PTPRN2: variants seen among roughly 807,000 people sequenced by gnomAD.
PTPRN2 encodes the protein protein tyrosine phosphatase receptor type N2, also known as receptor-type tyrosine-protein phosphatase N2.
In PTPRN2, 74 loss-of-function variants were observed where a neutral mutation model predicts 118.8. The ratio of observed to expected loss-of-function variants is 0.62; its 90% CI spans 0.52 to 0.76. The LOEUF (loss-of-function observed/expected upper bound fraction) is 0.76, where lower values mean the gene tolerates loss of function less well. Among genes scored for constraint, PTPRN2 ranks in the 30% least tolerant of loss-of-function variants. The pLI is 0.00. For missense variants in PTPRN2, 1,481 were observed against 1,394.4 expected, an observed-to-expected ratio of 1.06 and a Z score of -0.99; for synonymous variants, 641 against 608.0, an observed-to-expected ratio of 1.05 and a Z score of -0.80.
chr7:158,225,370 C>A (rs768426808), intron 3 of PTPRN2, among the ~76,000 whole-genome samples: 1 of 152,010 alleles, frequency 6.6e-6, no homozygotes, highest in Non-Finnish European at 1.5e-5. Context: ...CTCTGCACCA[C>A]GGAGCACCAC....
At chr7:157,578,237 C>T in intron 17 of PTPRN2, 97 bp from the exon 18 acceptor site, 24 of 1,355,944 alleles carry the variant, frequency 1.8e-5, no homozygotes, top group Non-Finnish European at 2.4e-5. Context: ...AAATTTATTC[C>T]ATTCACAGGA....
intron 1 of PTPRN2, among the ~76,000 whole-genome samples, chr7:158,513,301 C>T (rs1451547465): frequency 6.6e-6 from 1 of 152,184 alleles, no homozygotes. Flanking sequence ...TCAAAACTGT[C>T]AGGGTCCTCA....
At chr7:158,068,314 A>T (rs1810941839) in intron 11 of PTPRN2, among the ~76,000 whole-genome samples, 1 of 152,210 alleles carries the variant, frequency 6.6e-6, no homozygotes, top group South Asian at 2.1e-4. Flanking sequence ...GCCCGTGCTC[A>T]TGGCAGCCGA....
At chr7:157,568,517 T>C (rs1747792786) in intron 21 of PTPRN2, among the ~76,000 whole-genome samples, 1 of 152,230 alleles carries the variant, frequency 6.6e-6, no homozygotes, top group Non-Finnish European at 1.5e-5. Flanking sequence ...TGGAGCGGCA[T>C]TCTGCACTGC....
chr7:158,326,804 C>A (rs900875004), intron 2 of PTPRN2, among the ~76,000 whole-genome samples: 1 of 144,688 alleles, frequency 6.9e-6, no homozygotes, highest in African/African-American at 2.6e-5. Flanking sequence ...CATGCACATT[C>A]TCACACATGC....
At chr7:158,083,246 C>T (rs1014399423) in intron 10 of PTPRN2, among the ~76,000 whole-genome samples, 2 of 152,114 alleles carry the variant, frequency 1.3e-5, no homozygotes, top group African/African-American at 4.8e-5. Context: ...GCCTCACCCA[C>T]GCAGGAGGTG....
chr7:157,870,821 C>T (rs1221588858), intron 12 of PTPRN2, among the ~76,000 whole-genome samples: 1 of 152,254 alleles, frequency 6.6e-6, no homozygotes, highest in Non-Finnish European at 1.5e-5. Context: ...CCTGCACCCC[C>T]ACCTTGATCC....
Position 157,585,174 on chromosome 7 carries a change from G to A in PTPRN2, c.2497-7034C>T, listed in dbSNP as rs570587284. 2.6e-5 allele frequency among the ~76,000 whole-genome samples: 4 copies of A among 152,292 alleles called. No homozygotes were observed. The highest frequency in any genetic ancestry group is 3.9e-4 in the East Asian group (2 of 5,188). On this transcript the variant is annotated intron_variant, in intron 17 of 22. Coordinates refer to ENST00000389418, the MANE Select transcript of PTPRN2 (RefSeq NM_002847.5). This position sits in a 1 kb window ranked among gnomAD's most constrained non-coding sequence, Gnocchi z 5.2. ...AGGGGGCAGCGGGAGGAACCCCCCT[G>A]TGCCGCTATCAGATCGACGCCTGTG...
At chr7:158,041,351 A>G (rs540809252) in intron 11 of PTPRN2, among the ~76,000 whole-genome samples, 2 of 152,310 alleles carry the variant, frequency 1.3e-5, no homozygotes, top group African/African-American at 4.8e-5. Flanking sequence ...TAAAGAAACA[A>G]TTGAGGCTGG....
intron 2 of PTPRN2, among the ~76,000 whole-genome samples, chr7:158,383,703 T>C (rs1288188764): frequency 6.6e-6 from 1 of 152,234 alleles, no homozygotes; most frequent in East Asian, 1.9e-4. Flanking sequence ...TGTGGGTTTG[T>C]GTTCAATTGC....
chr7:158,122,109 C>T (rs559706821), intron 9 of PTPRN2, among the ~76,000 whole-genome samples: 8 of 152,308 alleles, frequency 5.3e-5, no homozygotes, highest in Admixed American at 3.3e-4. Context: ...AATACCTGGA[C>T]ACTAATATTG....
At chr7:158,145,724 T>A (rs1424849435) in intron 6 of PTPRN2, among the ~76,000 whole-genome samples, 4 of 152,182 alleles carry the variant, frequency 2.6e-5, no homozygotes, top group African/African-American at 7.2e-5. Context: ...ATCTGTAGGG[T>A]GTTAGCTCAC....
intron 11 of PTPRN2, among the ~76,000 whole-genome samples, chr7:157,907,066 G>A (rs548274860): frequency 3.3e-5 from 5 of 152,218 alleles, no homozygotes; most frequent in Non-Finnish European, 4.4e-5. Flanking sequence ...TGTCACCAGT[G>A]TTTTATGCTC....
chr7:157,816,050 G>A (rs1013668470), intron 12 of PTPRN2, among the ~76,000 whole-genome samples: 6 of 152,182 alleles, frequency 3.9e-5, no homozygotes, highest in African/African-American at 1.4e-4. Context: ...CCTCTCGCTG[G>A]TGTACATGTG....
chr7:157,639,043 C>CTT (rs760409679), intron 14 of PTPRN2, among the ~76,000 whole-genome samples: 3 of 145,812 alleles, frequency 2.1e-5, no homozygotes, highest in Non-Finnish European at 4.5e-5. Context: ...TTCTTTCTTT[C>CTT]TTTTTTTTTT....
At position 158,503,985 on chromosome 7, in the gene PTPRN2, CAA is replaced by C. The variant is rs58070541; in HGVS notation, c.113-14202_113-14201del. On this transcript the variant is annotated intron_variant, in intron 1 of 22. Coordinates refer to ENST00000389418, the MANE Select transcript of PTPRN2 (RefSeq NM_002847.5). ...CTGGGGGACAAGAGTGAGACTGTCT[CAA>C]AAAAAAAAAAATGGAAAAAAAATTA... 1.7e-3 allele frequency among the ~76,000 whole-genome samples: 202 copies of C among 118,208 alleles called. 4 individuals carry two copies. In the East Asian group the frequency reaches 0.036, roughly 21 times the overall value. 77.5% of individuals were successfully genotyped at this position (118,208 alleles called of 152,430 possible). A position where few individuals can be genotyped will look rare whatever the true frequency, so the allele number is the denominator to read the frequency against.
At chr7:158,041,182 C>A (rs958770664) in intron 11 of PTPRN2, among the ~76,000 whole-genome samples, 1 of 152,166 alleles carries the variant, frequency 6.6e-6, no homozygotes, top group Non-Finnish European at 1.5e-5. Flanking sequence ...CCTGGAGAAT[C>A]CTGCTTGGCA....
chr7:157,805,049 C>T (rs1055773057), intron 12 of PTPRN2, among the ~76,000 whole-genome samples: 3 of 152,170 alleles, frequency 2.0e-5, no homozygotes, highest in African/African-American at 7.2e-5. Flanking sequence ...AGACTCAGTC[C>T]TCTCTCTGCC....
chr7:158,490,759 G>A (rs1447610987), intron 1 of PTPRN2, among the ~76,000 whole-genome samples: 3 of 152,244 alleles, frequency 2.0e-5, no homozygotes, highest in Non-Finnish European at 4.4e-5. Flanking sequence ...ACAAACGCCT[G>A]TTCATCCGCT....
Sources: allele counts gnomAD v4.1 joint callset (sites outside exome capture counted in the v4.1 genomes callset), GRCh38; gene constraint gnomAD v4.1.1; non-coding constraint Gnocchi (gnomAD v3.1); transcripts MANE v1.5; gene names NCBI Gene and HGNC (gene_info 2026-07-23, HGNC 2026-07-21).